The following SNRNP48 variants were observed in gnomAD, a reference collection of about 807,000 sequenced individuals.
SNRNP48 encodes U11/U12 small nuclear ribonucleoprotein 48 kDa protein.
A neutral mutation model predicts 47.0 loss-of-function variants in SNRNP48; 43 were observed. The ratio of observed to expected loss-of-function variants is 0.92; its 90% confidence interval spans 0.72 to 1.18. SNRNP48 has a LOEUF of 1.18. Ranked by LOEUF, SNRNP48 falls within the 50% of genes most tolerant of loss-of-function variation. SNRNP48 has a pLI of 0.00. For missense variants in SNRNP48, 396 were observed against 422.2 expected (o/e 0.94, Z 0.54); for synonymous variants, 138 against 144.0 (o/e 0.96, Z 0.30).
chr6:7,596,363 G>A (rs574524496), intron 4 of SNRNP48, among the ~76,000 whole-genome samples: 2 of 152,220 alleles, frequency 1.3e-5, no homozygotes, highest in South Asian at 4.1e-4. Flanking sequence ...AGCTTCTCTT[G>A]TAAGGATTTC....
chr6:7,604,746 A>G (rs1046728916), intron 6 of SNRNP48, among the ~76,000 whole-genome samples: 7 of 152,208 alleles, frequency 4.6e-5, no homozygotes, highest in African/African-American at 1.7e-4. Flanking sequence ...AAAAACTTTC[A>G]AGTGGTTTTT....
intron 8 of SNRNP48, 95 bp from the exon 9 acceptor site, chr6:7,608,730 G>A (rs1054429660): frequency 1.2e-5 from 7 of 579,468 alleles, no homozygotes; most frequent in East Asian, 3.4e-5. Context: ...GCATATTACT[G>A]TTGAAAGTGG....
At chr6:7,606,238 T>G (rs750737273) in intron 8 of SNRNP48, 43 bp downstream of exon 8, 1 of 1,537,458 alleles carries the variant, frequency 6.5e-7, no homozygotes, top group South Asian at 1.3e-5. Flanking sequence ...TTCTGTACTT[T>G]TTAAAAATAG....
Position 7,608,885 on chromosome 6 carries a change from G to A in SNRNP48, c.*12G>A, listed in dbSNP as rs777052194. ...AGCAAAAAATATAAATGAAGTACTT[G>A]TACCTATATTAATTATGCTTACGCC... On this transcript the variant is annotated 3_prime_UTR_variant, in exon 9 of 9. Transcript: ENST00000342415. The A allele has an allele frequency of 1.8e-5, 25 of 1,419,076 alleles. No homozygotes were observed. Among genetic ancestry groups the A allele is most frequent in the Non-Finnish European group, 2.3e-5 (24 of 1,035,324 alleles). The allele number at this position is 1,419,076 out of a possible 1,614,324, so 87.9% of individuals were successfully genotyped here.
At chr6:7,598,142 C>T (rs917946680) in intron 4 of SNRNP48, among the ~76,000 whole-genome samples, 12 of 150,832 alleles carry the variant, frequency 8.0e-5, no homozygotes, top group Admixed American at 5.3e-4. Flanking sequence ...GCTGGGATTA[C>T]AGGCGGGAGC....
At chr6:7,605,955 A>C in intron 7 of SNRNP48, 76 bp from the exon 8 acceptor site, 1 of 1,411,024 alleles carries the variant, frequency 7.1e-7, no homozygotes, top group South Asian at 1.4e-5. Flanking sequence ...ATTACACTTT[A>C]GACTGGTGTG....
At chr6:7,601,949 G>A (rs1160922900) in intron 5 of SNRNP48, among the ~76,000 whole-genome samples, 2 of 151,996 alleles carry the variant, frequency 1.3e-5, no homozygotes, top group African/African-American at 4.8e-5. Context: ...TGCCTCCCAA[G>A]CTGAAGCAAT....
intron 6 of SNRNP48, 119 bp from the exon 7 acceptor site, chr6:7,605,279 G>C: frequency 1.3e-6 from 1 of 744,462 alleles, no homozygotes; most frequent in Non-Finnish European, 2.3e-6. Context: ...AAGTCCCACA[G>C]TCAATTATGT....
chr6:7,602,592 A>G (rs1409657052), intron 5 of SNRNP48, 31 bp from the exon 6 acceptor site: 1 of 1,506,166 alleles, frequency 6.6e-7, no homozygotes, highest in Non-Finnish European at 9.0e-7. Flanking sequence ...GCTTTGAAGG[A>G]TATAATACTT....
chr6:7,609,566 T>G lies in SNRNP48; in HGVS notation c.*693T>G, dbSNP rs1006697321. ...ATGTACGTAAATCTATTTTTAAAGG[T>G]TCAGAGGAATCCATACCAAAGTTCT... On this transcript the variant is annotated 3_prime_UTR_variant, in exon 9 of 9. Transcript: ENST00000342415. The G allele has an allele frequency of 3.3e-5, 5 of 152,126 alleles. No homozygotes were observed. Among genetic ancestry groups the G allele is most frequent in the Admixed American group, 1.3e-4 (2 of 15,274 alleles). The allele number at this position is 152,126 out of a possible 1,614,324, so 9.4% of individuals were successfully genotyped here. A position where few individuals can be genotyped will look rare whatever the true frequency, so the allele number is the denominator to read the frequency against.
At chr6:7,602,544 T>G in intron 5 of SNRNP48, 79 bp from the exon 6 acceptor site, 4 of 1,088,934 alleles carry the variant, frequency 3.7e-6, no homozygotes, top group Non-Finnish European at 5.1e-6. Flanking sequence ...AAATATAGGA[T>G]TGTGATGTAT....
At chr6:7,607,037 G>T (rs898946994) in intron 8 of SNRNP48, among the ~76,000 whole-genome samples, 1 of 152,136 alleles carries the variant, frequency 6.6e-6, no homozygotes, top group African/African-American at 2.4e-5. Flanking sequence ...CTTCCGTGGC[G>T]GTCTGGCATG....
chr6:7,604,734 G>C (rs1760092178), intron 6 of SNRNP48, among the ~76,000 whole-genome samples: 1 of 152,108 alleles, frequency 6.6e-6, no homozygotes, highest in South Asian at 2.1e-4. Flanking sequence ...AAATAGGAAA[G>C]GAAAAACTTT....
intron 4 of SNRNP48, among the ~76,000 whole-genome samples, chr6:7,596,089 C>T (rs905552293): frequency 6.6e-6 from 1 of 152,100 alleles, no homozygotes; most frequent in Non-Finnish European, 1.5e-5. Context: ...CATGGCGAAA[C>T]CCTGTCTTTA....
chr6:7,604,515 C>T (rs562202485), intron 6 of SNRNP48, among the ~76,000 whole-genome samples: 58 of 152,186 alleles, frequency 3.8e-4, no homozygotes, highest in African/African-American at 1.4e-3. Context: ...GGATATTGTT[C>T]GATTTTACTT....
chr6:7,594,150 AT>A lies in SNRNP48; in HGVS notation c.324del (p.Thr109LeufsTer2). 7.2e-7 allele frequency: 1 copy of A among 1,382,994 alleles called. No homozygotes were observed. The highest frequency in any genetic ancestry group is 9.8e-7 in the Non-Finnish European group (1 of 1,016,726). The allele number at this position is 1,382,994 out of a possible 1,614,324, so 85.7% of individuals were successfully genotyped here. A position where few individuals can be genotyped will look rare whatever the true frequency, so the allele number is the denominator to read the frequency against. ...CTATGAAAATGTGAAGATACCTTCG[AT>A]TACTTTGAGTAAGTATTAAGTTATT... ...FFYENVKIPS[I>X]TLNKDSQFQI... On this transcript the variant is annotated frameshift_variant, in exon 3 of 9. Coordinates refer to ENST00000342415, the MANE Select transcript of SNRNP48 (RefSeq NM_152551.4). LOFTEE classifies it high-confidence loss of function.
At chr6:7,603,728 G>A (rs942011796) in intron 6 of SNRNP48, among the ~76,000 whole-genome samples, 1 of 152,126 alleles carries the variant, frequency 6.6e-6, no homozygotes, top group Non-Finnish European at 1.5e-5. Flanking sequence ...TAAATTTTAT[G>A]CTGTTCTTTT....
chr6:7,594,877 C>A, intron 3 of SNRNP48, 150 bp from the exon 4 acceptor site: 1 of 622,498 alleles, frequency 1.6e-6, no homozygotes, highest in Non-Finnish European at 2.8e-6. Flanking sequence ...ATTCTGTGTT[C>A]AGATTTCATA....
rs1017711017 is a variant in SNRNP48, at chr6:7,611,127, C to G, written c.*2254C>G. On this transcript the variant is annotated 3_prime_UTR_variant, in exon 9 of 9. Coordinates refer to ENST00000342415, the MANE Select transcript of SNRNP48 (RefSeq NM_152551.4). The stretch of plus-strand genomic sequence containing the variant: ...TGTAGCTCACTGCAGCCTCAAACTC[C>G]TAGGCTCAGGCGATCCTCTTGCCCT... 6.6e-6 allele frequency: 1 copy of G among 152,322 alleles called. No homozygotes were observed. Among genetic ancestry groups the G allele is most frequent in the Non-Finnish European group, 1.5e-5 (1 of 68,152 alleles). The allele number at this position is 152,322 out of a possible 1,614,324, so 9.4% of individuals were successfully genotyped here.
Sources: gnomAD v4.1 joint callset for allele counts (sites outside exome capture counted in the v4.1 genomes callset) on GRCh38, gnomAD v4.1.1 for gene constraint, MANE v1.5 for transcripts, NCBI Gene and HGNC (gene_info 2026-07-23, HGNC 2026-07-21) for gene names.